Variants in CLDN16 observed in about 807,000 individuals in gnomAD.
CLDN16 encodes claudin 16.
In CLDN16, 13 loss-of-function variants were observed where a neutral mutation model predicts 24.6. That is an observed-to-expected ratio of 0.53 (90% CI 0.34 to 0.84). The LOEUF is 0.84. Among genes scored for constraint, CLDN16 ranks in the 40% least tolerant of loss-of-function variants. CLDN16 has a pLI of 0.01. For missense variants in CLDN16, 298 were observed against 292.7 expected, an observed-to-expected ratio of 1.02 and a Z score of -0.13; for synonymous variants, 116 against 106.7, an observed-to-expected ratio of 1.09 and a Z score of -0.54.
intron 1 of CLDN16, among the ~76,000 whole-genome samples, chr3:190,327,926 GT>G: frequency 6.6e-6 from 1 of 151,958 alleles, no homozygotes; most frequent in African/African-American, 2.4e-5. Context: ...AGTAGATCTT[GT>G]TTTTTTTGTG....
chr3:190,324,118 C>A (rs993697746), intron 1 of CLDN16, among the ~76,000 whole-genome samples: 5 of 151,766 alleles, frequency 3.3e-5, no homozygotes, highest in African/African-American at 1.2e-4. Flanking sequence ...CCATGTGAAT[C>A]ATATAATCTC....
At chr3:190,377,327 A>C (rs1267175982) in intron 3 of CLDN16, among the ~76,000 whole-genome samples, 2 of 151,960 alleles carry the variant, frequency 1.3e-5, no homozygotes, top group Non-Finnish European at 2.9e-5. Flanking sequence ...TTTGATATCC[A>C]AATAACTTTT....
chr3:190,355,979 G>T (rs1052875278), intron 1 of CLDN16, among the ~76,000 whole-genome samples: 2 of 151,550 alleles, frequency 1.3e-5, no homozygotes, highest in Non-Finnish European at 3.0e-5. Context: ...CATGAAGAAA[G>T]TCAGGGTCAC....
exon 1 of CLDN16, chr3:190,322,592 GA>G (rs1716961344): frequency 3.2e-6 from 1 of 308,618 alleles, no homozygotes; most frequent in Non-Finnish European, 6.1e-6. Context: ...GCGGCGTGGG[GA>G]CCACCCGGCA....
At chr3:190,306,333 T>TTGAATCATAATA in the CLDN16 span, 1 of 152,256 alleles carries the variant, frequency 6.6e-6, no homozygotes, top group Non-Finnish European at 1.5e-5. Context: ...CACTCAATTT[T>TTGAATCATAATA]ACTTCACTGT....
At chr3:190,349,276 G>A (rs1717621962) in intron 1 of CLDN16, among the ~76,000 whole-genome samples, 1 of 152,106 alleles carries the variant, frequency 6.6e-6, no homozygotes, top group African/African-American at 2.4e-5. Context: ...TCTCATAAGA[G>A]CTGGTTGTTT....
At position 190,360,962 on chromosome 3, in the gene CLDN16, G is replaced by A. The variant is rs973513274; in HGVS notation, n.122-9931G>A. On this transcript the variant is annotated intron_variant and non_coding_transcript_variant, in intron 1 of 4. Coordinates refer to the CLDN16 transcript ENST00000468220. ...TTAAATGTGATAAACTCCATAATAC[G>A]TTGTTATTGTACTTGCTTTAAACCA... Among the ~76,000 whole-genome samples, 15 of 151,942 alleles carry A rather than the reference G, an allele frequency of 9.9e-5. 1 individual carries two copies. In the East Asian group the frequency reaches 1.2e-3, roughly 12 times the overall value.
At chr3:190,357,132 C>T (rs1449605570) in intron 1 of CLDN16, among the ~76,000 whole-genome samples, 8 of 151,832 alleles carry the variant, frequency 5.3e-5, no homozygotes, top group Admixed American at 2.6e-4. Context: ...AAAAAGAAGT[C>T]GTTTTCATTT....
chr3:190,399,976 A>G (rs1194160279), intron 1 of CLDN16, among the ~76,000 whole-genome samples: 1 of 152,122 alleles, frequency 6.6e-6, no homozygotes, highest in Non-Finnish European at 1.5e-5. Flanking sequence ...CCTTACAAGC[A>G]CCTAATGCCT....
chr3:190,355,673 T>A (rs1250725725), intron 1 of CLDN16, among the ~76,000 whole-genome samples: 1 of 151,864 alleles, frequency 6.6e-6, no homozygotes. Context: ...TATGAAAAAT[T>A]TCCTTGAGAT....
chr3:190,399,410 G>A (rs539093499), intron 1 of CLDN16, among the ~76,000 whole-genome samples: 1 of 152,232 alleles, frequency 6.6e-6, no homozygotes, highest in Non-Finnish European at 1.5e-5. Context: ...TACTCGGGAG[G>A]CTGAGGCAGG....
At chr3:190,326,456 G>A (rs6805979) in intron 1 of CLDN16, among the ~76,000 whole-genome samples, 87,729 of 152,012 alleles carry the variant, frequency 0.58, 26,738 homozygotes, top group African/African-American at 0.78. Context: ...TGAGCTTTCA[G>A]TGAGATTTCT....
At chr3:190,373,263 C>T (rs1718179936) in intron 2 of CLDN16, among the ~76,000 whole-genome samples, 1 of 151,864 alleles carries the variant, frequency 6.6e-6, no homozygotes, top group Non-Finnish European at 1.5e-5. Flanking sequence ...GAGCCTTAGT[C>T]CATTGACTCA....
chr3:190,405,303 A>C (rs879630126), intron 3 of CLDN16, among the ~76,000 whole-genome samples: 3 of 151,872 alleles, frequency 2.0e-5, no homozygotes, highest in Non-Finnish European at 4.4e-5. Flanking sequence ...GCACACCTGT[A>C]GTCCCAGCTA....
the CLDN16 span, among the ~76,000 whole-genome samples, chr3:190,310,591 T>G: frequency 0.063 from 9,537 of 152,304 alleles, 387 homozygotes; most frequent in Middle Eastern, 0.11. Context: ...CTACATTTGA[T>G]AAAACTATTG....
At chr3:190,376,330 T>C (rs1718248079) in intron 3 of CLDN16, among the ~76,000 whole-genome samples, 1 of 151,758 alleles carries the variant, frequency 6.6e-6, no homozygotes, top group Admixed American at 6.6e-5. Flanking sequence ...AAAATTTTGA[T>C]AATTCAACAA....
intron 2 of CLDN16, chr3:190,371,016 T>TTATTTA (rs1335823851): frequency 1.4e-4 from 2 of 13,860 alleles, no homozygotes; most frequent in Admixed American, 8.1e-4. Flanking sequence ...GTTAATACCT[T>TTATTTA]TATATATATA....
At chr3:190,396,741 G>A (rs1278553914) in intron 1 of CLDN16, among the ~76,000 whole-genome samples, 2 of 152,140 alleles carry the variant, frequency 1.3e-5, no homozygotes. Flanking sequence ...AAATTCCTGT[G>A]GGATTTCAGG....
the CLDN16 span, chr3:190,312,896 C>T: frequency 1.2e-6 from 2 of 1,614,156 alleles, no homozygotes; most frequent in Non-Finnish European, 1.7e-6. Context: ...ATCGCACCCC[C>T]AATGACAGCC....
Sources: allele counts gnomAD v4.1 joint callset (sites outside exome capture counted in the v4.1 genomes callset), GRCh38; gene constraint gnomAD v4.1.1; transcripts MANE v1.5; gene names NCBI Gene and HGNC (gene_info 2026-07-23, HGNC 2026-07-21).